Variants in TRAF3IP2 observed in about 807,000 individuals in gnomAD.
TRAF3IP2 encodes the protein TRAF3 interacting protein 2.
TRAF3IP2 carries 35 observed loss-of-function variants against 57.9 expected under a neutral mutation model. The observed-to-expected ratio is 0.60, with a 90% CI of 0.46 to 0.80. The LOEUF (loss-of-function observed/expected upper bound fraction) is 0.80, where lower values mean the gene tolerates loss of function less well. TRAF3IP2 is among the 30% of genes least tolerant of loss of function. TRAF3IP2 has a pLI of 0.00. For missense variants in TRAF3IP2, 556 were observed against 706.4 expected (o/e 0.79, Z 2.41); for synonymous variants, 251 against 268.9 (o/e 0.93, Z 0.65).
rs1450921685 is a variant in TRAF3IP2, at chr6:111,577,849, C to A, written c.1023-2028G>T. 2.0e-5 allele frequency among the ~76,000 whole-genome samples: 3 copies of A among 152,058 alleles called. No individual in the cohort carries two copies. In the South Asian group the frequency reaches 6.2e-4, roughly 31 times the overall value. ...GCCTCAGCCTCCTTAGTAGCTGGAACCACAGGTATGTGCCACCACACCCGG... is the reference window on the plus strand; with the variant it reads ...GCCTCAGCCTCCTTAGTAGCTGGAAACACAGGTATGTGCCACCACACCCGG... On this transcript the variant is annotated intron_variant, in intron 3 of 8. Coordinates refer to ENST00000368761, the MANE Select transcript of TRAF3IP2 (RefSeq NM_147686.4).
In TRAF3IP2 at chr6:111,556,230, C is replaced by G. The variant is rs576012316; in HGVS notation, c.*3175G>C. 2.0e-5 allele frequency among the ~76,000 whole-genome samples: 3 copies of G among 151,200 alleles called. No individual in the cohort carries two copies. Among genetic ancestry groups the G allele is most frequent in the African/African-American group, 4.9e-5 (2 of 41,174 alleles). ...TATGTGTGCGTGTGTGTGTGTGTGT[C>G]TGTGTGTACTTTTTGGTTTGTTTTT... is the stretch of plus-strand genomic sequence containing the variant. On this transcript the variant is annotated 3_prime_UTR_variant, in exon 9 of 9. Coordinates refer to ENST00000368761, the MANE Select transcript of TRAF3IP2 (RefSeq NM_147686.4).
At position 111,598,830 on chromosome 6, in the gene TRAF3IP2, G is replaced by A. The variant is rs546672652; in HGVS notation, c.-8-6736C>T. On this transcript the variant is annotated intron_variant, in intron 1 of 8. Coordinates refer to ENST00000368761, the MANE Select transcript of TRAF3IP2 (RefSeq NM_147686.4). ...GCTCACAAAGATTAAGAACCAATGC[G>A]AATGAGGAACTCATGACACCGCCCA... 1.5e-4 allele frequency among the ~76,000 whole-genome samples: 23 copies of A among 152,296 alleles called. No homozygotes were observed. The East Asian group carries it at 2.7e-3, about 18-fold the overall frequency.
intron 5 of TRAF3IP2, among the ~76,000 whole-genome samples, chr6:111,571,740 CA>C (rs1795837948): frequency 6.6e-6 from 1 of 151,998 alleles, no homozygotes; most frequent in Non-Finnish European, 1.5e-5. Flanking sequence ...GCCTGGCCAA[CA>C]TAGTGAAACC....
chr6:111,577,382 G>A (rs953991332), intron 3 of TRAF3IP2, among the ~76,000 whole-genome samples: 2 of 152,138 alleles, frequency 1.3e-5, no homozygotes, highest in Non-Finnish European at 2.9e-5. Context: ...CAAACTATGA[G>A]TAAGAGGAGA....
rs73764462 is a variant in TRAF3IP2 at position 111,591,855 on chromosome 6, G to C, written c.232C>G (p.Arg78Gly). Residue 78 changes from arginine to glycine, a missense_variant, in exon 2 of 9, where the codon CGG becomes GGG. Coordinates refer to ENST00000368761, the MANE Select transcript of TRAF3IP2 (RefSeq NM_147686.4). The surrounding 1 kb of genome is among the most constrained non-coding windows in gnomAD (Gnocchi z 4.9). ...KLANHQRPVSRQVTCLRTQVL... is the reference protein window; with the variant it reads ...KLANHQRPVSGQVTCLRTQVL... ...TGAGTGCGCAGGCAGGTGACCTGCC[G>C]GGATACAGGCCGCTGGTGATTTGCA... is the stretch of plus-strand genomic sequence containing the variant. The C allele has an allele frequency of 3.8e-4, 612 of 1,614,198 alleles. 2 individuals are homozygous for C. The African/African-American group carries it at 7.3e-3, about 19-fold the overall frequency.
Position 111,591,560 on chromosome 6 carries a change from T to C in TRAF3IP2, c.527A>G (p.Glu176Gly). The C allele has an allele frequency of 6.2e-7, 1 of 1,614,194 alleles. No individual in the cohort carries two copies. Among genetic ancestry groups the C allele is most frequent in the Non-Finnish European group, 8.5e-7 (1 of 1,180,024 alleles). Residue 176 changes from glutamate (E) to glycine (G), a missense_variant, in exon 2 of 9, where the codon GAG becomes GGG. Transcript: ENST00000368761. This position sits in a 1 kb window ranked among gnomAD's most constrained non-coding sequence, Gnocchi z 4.9. ...ASADSLGGSQ[E>G]MVQRPQPHRN... ...GTGAGGCTGGGGCCGTTGCACCATC[T>C]CCTGGCTACCGCCCAAGGAGTCTGC...
chr6:111,574,400 T>C (rs547103325), intron 4 of TRAF3IP2, among the ~76,000 whole-genome samples: 203 of 152,380 alleles, frequency 1.3e-3, no homozygotes, highest in African/African-American at 4.6e-3. Context: ...GGCTGTTTTC[T>C]TAAGATTTCT....
chr6:111,566,041 G>A (rs1266815495), intron 7 of TRAF3IP2, among the ~76,000 whole-genome samples: 2 of 152,040 alleles, frequency 1.3e-5, no homozygotes, highest in Admixed American at 6.6e-5. Flanking sequence ...CTTTCACTAC[G>A]CCACCTGCCT....
intron 3 of TRAF3IP2, among the ~76,000 whole-genome samples, chr6:111,579,356 C>A (rs1016441713): frequency 1.4e-3 from 191 of 137,638 alleles, no homozygotes; most frequent in African/African-American, 4.9e-3. Context: ...AAGAGTTAGA[C>A]AACTGAAGTC....
chr6:111,593,621 C>T (rs1321286911), intron 1 of TRAF3IP2, among the ~76,000 whole-genome samples: 4 of 152,148 alleles, frequency 2.6e-5, no homozygotes, highest in African/African-American at 9.7e-5. Context: ...TGTTTTCTGA[C>T]GCAACAGAAA....
chr6:111,604,922 A>T (rs1441257137), intron 1 of TRAF3IP2, among the ~76,000 whole-genome samples: 1 of 152,172 alleles, frequency 6.6e-6, no homozygotes, highest in Non-Finnish European at 1.5e-5. Flanking sequence ...GGAATTTGAC[A>T]CACTCATGTT....
Position 111,567,671 on chromosome 6 carries a change from T to C in TRAF3IP2, c.1312A>G (p.Ile438Val). Residue 438 changes from isoleucine to valine, a missense_variant, in exon 6 of 9, where the codon ATC (isoleucine) becomes GTC (valine). Physicochemically the swap from Ile to Val is conservative, Grantham distance 29. Transcript: ENST00000368761. ...QTAIDIFEDR[I>V]RGIDIIKWME... ...CATTTAATGATATCAATGCCTCGGA[T>C]TCTATCCTCAAATATGTCAATCTGC... 6.2e-7 allele frequency: 1 copy of C among 1,608,264 alleles called. No individual in the cohort carries two copies. The highest frequency in any genetic ancestry group is 8.5e-7 in the Non-Finnish European group (1 of 1,177,958).
intron 2 of TRAF3IP2, among the ~76,000 whole-genome samples, chr6:111,589,677 C>T (rs1219917903): frequency 1.3e-5 from 2 of 152,138 alleles, no homozygotes; most frequent in African/African-American, 4.8e-5. Context: ...TCTCCTTACA[C>T]CCTCCTGCTT....
intron 1 of TRAF3IP2, among the ~76,000 whole-genome samples, chr6:111,603,543 A>G (rs1796937828): frequency 6.6e-6 from 1 of 152,230 alleles, no homozygotes; most frequent in South Asian, 2.1e-4. Context: ...AATTCAGGAT[A>G]TTCCTGAGAT....
intron 1 of TRAF3IP2, chr6:111,594,537 G>A (rs1035501099): frequency 1.8e-5 from 8 of 449,858 alleles, no homozygotes; most frequent in Admixed American, 4.9e-5. Flanking sequence ...GGGCTTGGAG[G>A]AGGCTTTAAA....
chr6:111,568,736 C>T (rs146572213), intron 5 of TRAF3IP2, among the ~76,000 whole-genome samples: 3 of 152,176 alleles, frequency 2.0e-5, no homozygotes, highest in Admixed American at 1.3e-4. Flanking sequence ...GATCCAGCCT[C>T]GCCATCCATG....
At chr6:111,590,559 A>C (rs1796477318) in intron 2 of TRAF3IP2, among the ~76,000 whole-genome samples, 1 of 152,188 alleles carries the variant, frequency 6.6e-6, no homozygotes, top group Non-Finnish European at 1.5e-5. Context: ...AGTTTTTTTA[A>C]AAGGTGTATT....
intron 1 of TRAF3IP2, chr6:111,594,436 G>GA (rs1796616816): frequency 2.4e-6 from 1 of 419,090 alleles, no homozygotes; most frequent in African/African-American, 2.1e-5. Context: ...ATTCTCACTG[G>GA]GTTTTCCAGT....
intron 3 of TRAF3IP2, among the ~76,000 whole-genome samples, chr6:111,578,921 A>G (rs1796076288): frequency 6.6e-6 from 1 of 152,328 alleles, no homozygotes; most frequent in East Asian, 1.9e-4. Flanking sequence ...CATTTAATCT[A>G]CTTTCTTCCA....
Sources: gnomAD v4.1 joint callset for allele counts (sites outside exome capture counted in the v4.1 genomes callset) on GRCh38, gnomAD v4.1.1 for gene constraint, Gnocchi (gnomAD v3.1) non-coding constraint, MANE v1.5 for transcripts, NCBI Gene and HGNC (gene_info 2026-07-23, HGNC 2026-07-21) for gene names.